The following PRKG1 variants were observed in gnomAD, a reference collection of about 807,000 sequenced individuals.
PRKG1 encodes the protein cGMP-dependent protein kinase 1.
Under a neutral mutation model 88.1 loss-of-function variants are expected in PRKG1, and 35 were observed. The ratio of observed to expected loss-of-function variants is 0.40; its 90% CI spans 0.30 to 0.53. PRKG1 has a LOEUF of 0.53. Ranked by LOEUF, PRKG1 falls within the 20% of genes least tolerant of loss-of-function variation. The probability of loss-of-function intolerance (pLI) is 0.59; values close to 1 mark genes in which losing one functional copy is unlikely to be tolerated. For missense variants in PRKG1, 540 were observed against 839.8 expected (o/e 0.64, Z 4.41); for synonymous variants, 303 against 292.5 (o/e 1.04, Z -0.37).
intron 2 of PRKG1, among the ~76,000 whole-genome samples, chr10:51,363,137 T>A (rs1463666344): frequency 6.6e-6 from 1 of 151,358 alleles, no homozygotes; most frequent in Non-Finnish European, 1.5e-5. Flanking sequence ...GAATCTAATG[T>A]ATAATCAGCA....
intron 3 of PRKG1, among the ~76,000 whole-genome samples, chr10:51,596,358 T>A (rs1402342254): frequency 6.6e-6 from 1 of 152,188 alleles, no homozygotes; most frequent in East Asian, 1.9e-4. Flanking sequence ...TCTCAATATC[T>A]TATCTTCTTC....
chr10:51,789,306 G>C (rs979321179), intron 3 of PRKG1, among the ~76,000 whole-genome samples: 1 of 152,162 alleles, frequency 6.6e-6, no homozygotes, highest in African/African-American at 2.4e-5. Context: ...CCACCTGCAG[G>C]AAATTGTGTC....
intron 3 of PRKG1, among the ~76,000 whole-genome samples, chr10:51,625,868 C>T (rs1331778182): frequency 2.6e-5 from 4 of 152,144 alleles, no homozygotes; most frequent in Non-Finnish European, 1.5e-5. Context: ...TAGCTTTTCT[C>T]CCAGACCAAC....
chr10:50,991,310 A>AGACGCC lies in PRKG1; in HGVS notation c.-68_-67insACGCCG. 2 of 1,396,524 alleles carry AGACGCC rather than the reference A, an allele frequency of 1.4e-6. No homozygotes were observed. Among genetic ancestry groups the AGACGCC allele is most frequent in the Non-Finnish European group, 1.9e-6 (2 of 1,056,666 alleles). The allele number at this position is 1,396,524 out of a possible 1,614,324, so 86.5% of individuals were successfully genotyped here. A position where few individuals can be genotyped will look rare whatever the true frequency, so the allele number is the denominator to read the frequency against. ...GCTCTCCGCTGCCGGCTGCCGTCCC[A>AGACGCC]GCCGCCGCCGCCGCCGCCGCCGCCG... On this transcript the variant is annotated 5_prime_UTR_variant, in exon 1 of 18. Transcript: ENST00000401604. This position sits in a 1 kb window ranked among gnomAD's most constrained non-coding sequence, Gnocchi z 4.5.
chr10:52,255,759 C>T (rs1841292519), intron 10 of PRKG1, among the ~76,000 whole-genome samples: 1 of 151,852 alleles, frequency 6.6e-6, no homozygotes, highest in African/African-American at 2.4e-5. Flanking sequence ...ATTTCTGAGG[C>T]AGAGGGAGAG....
chr10:51,773,219 T>A (rs1010068771), intron 3 of PRKG1, among the ~76,000 whole-genome samples: 2 of 152,082 alleles, frequency 1.3e-5, no homozygotes, highest in Admixed American at 1.3e-4. Flanking sequence ...TTCTCCAACA[T>A]TTTTTCTCAG....
intron 1 of PRKG1, among the ~76,000 whole-genome samples, chr10:51,026,584 C>G (rs950149198): frequency 2.0e-5 from 3 of 152,156 alleles, no homozygotes; most frequent in Admixed American, 6.5e-5. Context: ...GCACTCTTGA[C>G]TCATGCTGCC....
At chr10:51,577,735 T>C (rs1837924560) in intron 3 of PRKG1, among the ~76,000 whole-genome samples, 1 of 152,074 alleles carries the variant, frequency 6.6e-6, no homozygotes, top group Non-Finnish European at 1.5e-5. Flanking sequence ...CTTGGAGTTT[T>C]GTTTTGGTTA....
chr10:51,480,821 A>G (rs1840334468), intron 3 of PRKG1, among the ~76,000 whole-genome samples: 1 of 152,170 alleles, frequency 6.6e-6, no homozygotes, highest in African/African-American at 2.4e-5. Context: ...CATGAGATGT[A>G]ATGGACAGTC....
At chr10:51,139,252 A>G (rs1845768661) in intron 1 of PRKG1, among the ~76,000 whole-genome samples, 1 of 152,236 alleles carries the variant, frequency 6.6e-6, no homozygotes, top group African/African-American at 2.4e-5. Flanking sequence ...AAAAACTAGC[A>G]CAGTGGAGAG....
Position 51,033,065 on chromosome 10 carries a change from T to C in PRKG1, c.266+41421T>C, listed in dbSNP as rs185002822. On this transcript the variant is annotated intron_variant, in intron 1 of 17. Transcript: ENST00000401604. ...TTCTTTTCTTGTCCCCTAACTTCCA[T>C]GACTTTCTGTATTCCCTGTCTTAGA... Among the ~76,000 whole-genome samples the C allele has an allele frequency of 1.2e-3, 186 of 152,254 alleles. 1 individual carries two copies. The highest frequency in any genetic ancestry group is 4.2e-3 in the African/African-American group (174 of 41,548).
chr10:51,096,537 T>C (rs866370962), intron 1 of PRKG1, among the ~76,000 whole-genome samples: 2 of 152,100 alleles, frequency 1.3e-5, no homozygotes, highest in African/African-American at 4.8e-5. Flanking sequence ...TTCTCATCTA[T>C]AAAATGGGAG....
intron 3 of PRKG1, among the ~76,000 whole-genome samples, chr10:51,735,890 T>TA (rs1837261353): frequency 7.3e-6 from 1 of 137,138 alleles, no homozygotes. Context: ...TGTATATTTA[T>TA]TTATTTATTT....
intron 9 of PRKG1, among the ~76,000 whole-genome samples, chr10:52,171,786 ATTTTTTTTTTT>A (rs545195374): frequency 9.6e-5 from 9 of 93,860 alleles, no homozygotes; most frequent in African/African-American, 2.6e-4. Flanking sequence ...TTTTATCAAA[ATTTTTTTTTTT>A]TTTTTTTTTT....
At chr10:52,290,013 T>A (rs1842204227) in intron 16 of PRKG1, among the ~76,000 whole-genome samples, 2 of 152,182 alleles carry the variant, frequency 1.3e-5, no homozygotes, top group African/African-American at 4.8e-5. Context: ...GCATGTTAAT[T>A]GGTGTTTAAA....
intron 9 of PRKG1, among the ~76,000 whole-genome samples, chr10:52,211,897 A>T (rs1293929811): frequency 1.3e-5 from 2 of 152,174 alleles, no homozygotes; most frequent in East Asian, 1.9e-4. Flanking sequence ...GTATGAAAAG[A>T]TTTCTATAAA....
At chr10:52,050,979 T>C (rs538615810) in intron 5 of PRKG1, among the ~76,000 whole-genome samples, 1 of 152,274 alleles carries the variant, frequency 6.6e-6, no homozygotes, top group African/African-American at 2.4e-5. Context: ...GTTAGGGTGC[T>C]ACTAGCATCT....
At chr10:51,008,520 C>T (rs944185876) in intron 1 of PRKG1, among the ~76,000 whole-genome samples, 2 of 152,182 alleles carry the variant, frequency 1.3e-5, no homozygotes, top group Non-Finnish European at 2.9e-5. Context: ...CAACCTTAAC[C>T]ATTCCATGAC....
chr10:51,279,258 A>G (rs1485246709), intron 2 of PRKG1, among the ~76,000 whole-genome samples: 1 of 152,120 alleles, frequency 6.6e-6, no homozygotes, highest in Non-Finnish European at 1.5e-5. Context: ...CATGTAGTTG[A>G]GAGGTTTTGA....
Sources: allele counts gnomAD v4.1 joint callset (sites outside exome capture counted in the v4.1 genomes callset), GRCh38; gene constraint gnomAD v4.1.1; non-coding constraint Gnocchi (gnomAD v3.1); transcripts MANE v1.5; gene names NCBI Gene and HGNC (gene_info 2026-07-23, HGNC 2026-07-21).